KCNJ18: variants seen among roughly 807,000 people sequenced by gnomAD.
KCNJ18 encodes the protein inward rectifier potassium channel 18.
Under a neutral mutation model 17.3 loss-of-function variants are expected in KCNJ18, and 16 were observed. That is an observed-to-expected ratio of 0.92 (90% confidence interval 0.62 to 1.40). The LOEUF (loss-of-function observed/expected upper bound fraction) is 1.40. Among genes scored for constraint, KCNJ18 ranks in the 40% most tolerant of loss-of-function variants. The probability of loss-of-function intolerance (pLI) is 0.00; values close to 1 mark genes in which losing one functional copy is unlikely to be tolerated. For missense variants in KCNJ18, 462 were observed against 626.8 expected, an observed-to-expected ratio of 0.74 and a Z score of 2.81; for synonymous variants, 185 against 262.6, an observed-to-expected ratio of 0.70 and a Z score of 2.86.
At position 21,704,524 on chromosome 17, in the gene KCNJ18, CAAA is replaced by C; in HGVS notation, c.*448_*450del. The C allele has an allele frequency of 1.7e-5, 2 of 115,864 alleles. No individual in the cohort carries two copies. Among genetic ancestry groups the C allele is most frequent in the Non-Finnish European group, 1.9e-5 (1 of 53,310 alleles). The allele number at this position is 115,864 out of a possible 1,614,324, so 7.2% of individuals were successfully genotyped here. On this transcript the variant is annotated 3_prime_UTR_variant, in exon 3 of 3. Transcript: ENST00000567955. ...ACCTTAGCTTGGGTGAGACTGTTTA[CAAA>C]AAAAAAAAAAACCATGCAATTGGAG...
intron 1 of KCNJ18, among the ~76,000 whole-genome samples, 186 bp from the exon 2 acceptor site, chr17:21,695,797 C>A (rs1481237703): frequency 1.3e-5 from 2 of 152,308 alleles, no homozygotes; most frequent in Non-Finnish European, 2.9e-5. Flanking sequence ...TTCTCTGGTT[C>A]TGGATGGTTG....
intron 1 of KCNJ18, among the ~76,000 whole-genome samples, chr17:21,694,671 C>G (rs1905701433): frequency 6.7e-6 from 1 of 148,158 alleles, no homozygotes; most frequent in Non-Finnish European, 1.5e-5. Context: ...CATCCATTCA[C>G]CCATCTGTCC....
At chr17:21,692,836 C>T (rs1160068947) in intron 1 of KCNJ18, 122 bp downstream of exon 1, 1 of 152,464 alleles carries the variant, frequency 6.6e-6, no homozygotes, top group African/African-American at 2.4e-5. Flanking sequence ...GGGGCGAGGC[C>T]CAGTGCCCGG....
At chr17:21,693,430 A>G (rs1905663177) in intron 1 of KCNJ18, among the ~76,000 whole-genome samples, 1 of 152,306 alleles carries the variant, frequency 6.6e-6, no homozygotes, top group Non-Finnish European at 1.5e-5. Flanking sequence ...CCAGGTGACC[A>G]GCAGGATGTG....
At position 21,704,030 on chromosome 17, in the gene KCNJ18, T is replaced by A; in HGVS notation, c.1244T>A (p.Leu415His). The A allele has an allele frequency of 6.3e-7, 1 of 1,580,820 alleles. No individual in the cohort carries two copies. Among genetic ancestry groups the A allele is most frequent in the East Asian group, 2.3e-5 (1 of 44,396 alleles). The change falls in exon 3 of 3, where the codon CTC (leucine) becomes CAC (histidine). Residue 415 changes from leucine (L) to histidine (H), a missense_variant. Physicochemically the swap from Leu to His is moderately conservative, Grantham distance 99. Around this residue, in one of 5 missense-constraint regions of KCNJ18, gnomAD observed 123 missense variants for 117.5 expected, o/e 1.05. Transcript: ENST00000567955. ...CAGGCCAGGCATGACTTTGACAGAC[T>A]CCAGGCTGGCGGCGGGGTCCTGGAG... is the stretch of plus-strand genomic sequence containing the variant. ...SPQARHDFDR[L>H]QAGGGVLEQR... is the part of the protein sequence containing the mutation.
rs1258914356 is a variant in KCNJ18, at chr17:21,703,871, T to A, written c.1085T>A (p.Leu362Gln). Reference sequence around the variant, plus strand: ...ACGCCCCGCTGCAGTGCGAAGGATCTGGTAGAGAACAAGTTCCTGCTGCCC... The same window carrying A: ...ACGCCCCGCTGCAGTGCGAAGGATCAGGTAGAGAACAAGTTCCTGCTGCCC... ...PSTPRCSAKD[L>Q]VENKFLLPSA... The change falls in exon 3 of 3, where the codon CTG (leucine) becomes CAG (glutamine). Residue 362 changes from leucine to glutamine, a missense_variant. Leu to Gln is a moderately radical substitution (Grantham distance 113). This residue lies in a region of KCNJ18 where 123 missense variants were observed against 117.5 expected (regional missense o/e 1.05). Coordinates refer to ENST00000567955, the MANE Select transcript of KCNJ18 (RefSeq NM_001194958.2). The A allele has an allele frequency of 6.2e-7, 1 of 1,612,748 alleles. No individual in the cohort carries two copies. The highest frequency in any genetic ancestry group is 8.5e-7 in the Non-Finnish European group (1 of 1,180,028).
At chr17:21,696,366 T>A (rs1905759681) in intron 2 of KCNJ18, among the ~76,000 whole-genome samples, 2 of 151,472 alleles carry the variant, frequency 1.3e-5, no homozygotes, top group South Asian at 4.2e-4. Context: ...TCCACCCACC[T>A]AGCCAGTCCA....
intron 2 of KCNJ18, 144 bp downstream of exon 2, chr17:21,696,248 T>C (rs1335959634): frequency 2.2e-4 from 33 of 151,450 alleles, no homozygotes; most frequent in African/African-American, 8.0e-4. Context: ...CAGCCTTCCA[T>C]CCACCCACCC....
rs1394812815 is a variant in KCNJ18 at position 21,702,936 on chromosome 17, T to C, written c.150T>C (p.Asn50=). The change falls in exon 3 of 3, where the codon AAT becomes AAC. Residue 50 remains asparagine, a synonymous_variant. Transcript: ENST00000567955. ...GCCGCAACCGCTTCGTCAAGAAGAA[T>C]GGCCAGTGCAACATTGCGTTCGCCA... is the stretch of plus-strand genomic sequence containing the variant. ...RRCRNRFVKK[N]GQCNIAFANM... 1.9e-5 allele frequency: 31 copies of C among 1,590,016 alleles called. No homozygotes were observed. The highest frequency in any genetic ancestry group is 2.6e-5 in the Non-Finnish European group (31 of 1,170,792).
In KCNJ18 at chr17:21,703,999, A is replaced by G; in HGVS notation, c.1213A>G (p.Ser405Gly). 1 of 1,598,950 alleles carries G rather than the reference A, an allele frequency of 6.3e-7. No homozygotes were observed. Among genetic ancestry groups the G allele is most frequent in the African/African-American group, 1.3e-5 (1 of 74,828 alleles). ...GGACGGCCGAAGCCGGGATGGCCTC[A>G]GCCCCCAGGCCAGGCATGACTTTGA... is the stretch of plus-strand genomic sequence containing the variant. Reference protein sequence around the residue: ...DQDGRSRDGLSPQARHDFDRL... With the variant: ...DQDGRSRDGLGPQARHDFDRL... The change falls in exon 3 of 3, where the codon AGC becomes GGC. Residue 405 changes from serine to glycine, a missense_variant. Physicochemically the swap from Ser to Gly is moderately conservative, Grantham distance 56. This residue lies in a region of KCNJ18 where 123 missense variants were observed against 117.5 expected (regional missense o/e 1.05). Transcript: ENST00000567955.
intron 1 of KCNJ18, among the ~76,000 whole-genome samples, chr17:21,693,895 C>A (rs1213438193): frequency 6.6e-6 from 1 of 152,160 alleles, no homozygotes; most frequent in African/African-American, 2.4e-5. Context: ...AAGTGTAGGC[C>A]TGTGGCTTCT....
In KCNJ18 at chr17:21,702,958, G is replaced by A. The variant is rs1195982427; in HGVS notation, c.172G>A (p.Ala58Thr). 2,217 of 1,588,936 alleles carry A rather than the reference G, an allele frequency of 1.4e-3. 37 individuals carry two copies. In the African/African-American group the frequency reaches 0.027, roughly 20 times the overall value. ...KKNGQCNIAF[A>T]NMDEKSQRYL... is the part of the protein sequence containing the mutation. ...GAATGGCCAGTGCAACATTGCGTTC[G>A]CCAACATGGACGAGAAGTCACAGCG... The change falls in exon 3 of 3, where the codon GCC becomes ACC. Residue 58 changes from alanine (A) to threonine (T), a missense_variant. By Grantham distance (58) the Ala-to-Thr change is moderately conservative. Coordinates refer to ENST00000567955, the MANE Select transcript of KCNJ18 (RefSeq NM_001194958.2).
At chr17:21,694,599 C>CCACCCATCCATCCACCCAT (rs1905699400) in intron 1 of KCNJ18, among the ~76,000 whole-genome samples, 1 of 149,242 alleles carries the variant, frequency 6.7e-6, no homozygotes, top group Non-Finnish European at 1.5e-5. Context: ...TATCCATCTA[C>CCACCCATCCATCCACCCAT]CCACCCATCC....
At chr17:21,693,152 C>T (rs1417473207) in intron 1 of KCNJ18, among the ~76,000 whole-genome samples, 7 of 152,304 alleles carry the variant, frequency 4.6e-5, no homozygotes, top group Non-Finnish European at 1.0e-4. Flanking sequence ...GCGGGGTGAG[C>T]TCACATGGCG....
intron 2 of KCNJ18, among the ~76,000 whole-genome samples, chr17:21,701,998 GT>G (rs1438243984): frequency 6.6e-6 from 1 of 152,290 alleles, no homozygotes; most frequent in Non-Finnish European, 1.5e-5. Flanking sequence ...GGGGTTGATG[GT>G]TGAGTGCCCC....
In KCNJ18 at chr17:21,704,017, G is replaced by C; in HGVS notation, c.1231G>C (p.Asp411His). 6.3e-7 allele frequency: 1 copy of C among 1,587,660 alleles called. No individual in the cohort carries two copies. The highest frequency in any genetic ancestry group is 8.6e-7 in the Non-Finnish European group (1 of 1,167,216). ...RDGLSPQARHDFDRLQAGGGV... is the reference protein window; with the variant it reads ...RDGLSPQARHHFDRLQAGGGV... ...TGGCCTCAGCCCCCAGGCCAGGCAT[G>C]ACTTTGACAGACTCCAGGCTGGCGG... The change falls in exon 3 of 3, where the codon GAC (aspartate) becomes CAC (histidine). Residue 411 changes from aspartate to histidine, a missense_variant. Physicochemically the swap from Asp to His is moderately conservative, Grantham distance 81. This residue lies in a region of KCNJ18 where 123 missense variants were observed against 117.5 expected (regional missense o/e 1.05). Coordinates refer to ENST00000567955, the MANE Select transcript of KCNJ18 (RefSeq NM_001194958.2).
chr17:21,695,526 GCTCCAAGGTTGGCGTT>G (rs1905735072), intron 1 of KCNJ18, among the ~76,000 whole-genome samples: 1 of 152,258 alleles, frequency 6.6e-6, no homozygotes, highest in South Asian at 2.1e-4. Context: ...TTCACAACTG[GCTCCAAGGTTGGCGTT>G]GGGAAGGCTC....
Position 21,703,902 on chromosome 17 carries a change from C to T in KCNJ18, c.1116C>T (p.Ala372=), listed in dbSNP as rs1381632167. ...AGAACAAGTTCCTGCTGCCCAGTGC[C>T]AACTCCTTCTGCTATGAGAACGAGC... The part of the protein sequence containing the change: ...LVENKFLLPS[A]NSFCYENELA... The change falls in exon 3 of 3, where the codon GCC becomes GCT. Residue 372 remains alanine, a synonymous_variant. Coordinates refer to ENST00000567955, the MANE Select transcript of KCNJ18 (RefSeq NM_001194958.2). 27 of 1,612,716 alleles carry T rather than the reference C, an allele frequency of 1.7e-5. No individual in the cohort carries two copies. The highest frequency in any genetic ancestry group is 2.1e-5 in the Non-Finnish European group (25 of 1,180,046).
intron 1 of KCNJ18, among the ~76,000 whole-genome samples, chr17:21,694,452 C>G (rs1409248531): frequency 2.0e-5 from 3 of 152,132 alleles, no homozygotes; most frequent in African/African-American, 7.2e-5. Context: ...TGGCAAATTA[C>G]TGATGTGTGC....
Sources: allele counts gnomAD v4.1 joint callset (sites outside exome capture counted in the v4.1 genomes callset), GRCh38; gene constraint gnomAD v4.1.1; regional missense constraint gnomAD v4.1.1; transcripts MANE v1.5; gene names NCBI Gene and HGNC (gene_info 2026-07-23, HGNC 2026-07-21).